The following ASB3 variants were observed in gnomAD, a reference collection of about 807,000 sequenced individuals.
ASB3 encodes ankyrin repeat and SOCS box protein 3.
A neutral mutation model predicts 54.5 loss-of-function variants in ASB3; 41 were observed. That is an observed-to-expected ratio of 0.75 (90% CI 0.59 to 0.98). The LOEUF (loss-of-function observed/expected upper bound fraction) is 0.98. Ranked by LOEUF, ASB3 falls within the 50% of genes least tolerant of loss-of-function variation. The pLI, the probability that ASB3 is intolerant of heterozygous loss-of-function variation, is 0.00. For synonymous variants in ASB3, 266 were observed against 221.2 expected, an observed-to-expected ratio of 1.20 and a Z score of -1.80; for missense variants, 733 against 620.0, an observed-to-expected ratio of 1.18 and a Z score of -1.94.
chr2:53,687,644 A>C (rs987672691), intron 9 of ASB3, among the ~76,000 whole-genome samples: 4 of 152,180 alleles, frequency 2.6e-5, no homozygotes, highest in Non-Finnish European at 5.9e-5. Flanking sequence ...TAAAAGGCCC[A>C]CTACTGCCCC....
chr2:53,782,640 C>A (rs1205872197), intron 1 of ASB3, among the ~76,000 whole-genome samples: 2 of 152,156 alleles, frequency 1.3e-5, no homozygotes, highest in Non-Finnish European at 2.9e-5. Context: ...AGCCTTTGAG[C>A]ATCTTCATGT....
At chr2:53,757,313 G>C (rs192265714) in intron 2 of ASB3, among the ~76,000 whole-genome samples, 3 of 152,208 alleles carry the variant, frequency 2.0e-5, no homozygotes, top group Non-Finnish European at 4.4e-5. Context: ...GGTTGGGAGC[G>C]TTGGTCTGCC....
At chr2:53,734,325 G>C (rs566784337) in intron 3 of ASB3, among the ~76,000 whole-genome samples, 2 of 152,152 alleles carry the variant, frequency 1.3e-5, no homozygotes, top group African/African-American at 4.8e-5. Context: ...GACTAGTTTA[G>C]GTTTTCCTTT....
chr2:53,720,801 T>A (rs112262713), intron 5 of ASB3, among the ~76,000 whole-genome samples: 3 of 152,070 alleles, frequency 2.0e-5, no homozygotes, highest in African/African-American at 7.2e-5. Context: ...ACAGCACATA[T>A]AACATACTCC....
chr2:53,677,499 A>C (rs1668142123), intron 9 of ASB3, among the ~76,000 whole-genome samples: 1 of 152,168 alleles, frequency 6.6e-6, no homozygotes, highest in Non-Finnish European at 1.5e-5. Flanking sequence ...TTTTTTTAAA[A>C]AAAAACTCTG....
intron 1 of ASB3, among the ~76,000 whole-genome samples, chr2:53,781,794 G>A (rs941904187): frequency 6.6e-6 from 1 of 152,128 alleles, no homozygotes; most frequent in Non-Finnish European, 1.5e-5. Context: ...CACGCCCGGC[G>A]GAGATTCTTT....
At chr2:53,722,496 T>C (rs78782639) in intron 5 of ASB3, among the ~76,000 whole-genome samples, 17,925 of 152,218 alleles carry the variant, frequency 0.12, 1,196 homozygotes, top group Non-Finnish European at 0.15. Context: ...GTAGGCTTCA[T>C]TGTTGAGAAA....
At chr2:53,680,532 G>A (rs370973844) in intron 9 of ASB3, among the ~76,000 whole-genome samples, 5 of 152,220 alleles carry the variant, frequency 3.3e-5, no homozygotes, top group African/African-American at 9.6e-5. Flanking sequence ...TTGGCTGGAT[G>A]TGTGTCTTCT....
chr2:53,707,123 T>C (rs899718106), intron 7 of ASB3, among the ~76,000 whole-genome samples: 6 of 152,254 alleles, frequency 3.9e-5, no homozygotes, highest in African/African-American at 1.4e-4. Context: ...TTTTCTGTGA[T>C]GATGTGCTAT....
rs561032563 is a variant in ASB3 at position 53,670,206 on chromosome 2, G to T, written c.*297C>A. Reference sequence around the variant, plus strand: ...TTATTAGCAAAATAAAGCAGAAAATGATCAAAATGATCAGGTAAATAAATA... The same window carrying T: ...TTATTAGCAAAATAAAGCAGAAAATTATCAAAATGATCAGGTAAATAAATA... On this transcript the variant is annotated 3_prime_UTR_variant, in exon 10 of 10. Transcript: ENST00000263634. 17 of 220,896 alleles carry T rather than the reference G, an allele frequency of 7.7e-5. No individual in the cohort carries two copies. Among genetic ancestry groups the T allele is most frequent in the African/African-American group, 9.4e-5 (4 of 42,626 alleles). The allele number at this position is 220,896 out of a possible 1,614,324, so 13.7% of individuals were successfully genotyped here.
chr2:53,740,119 A>C (rs1671851895), intron 3 of ASB3, among the ~76,000 whole-genome samples: 1 of 152,214 alleles, frequency 6.6e-6, no homozygotes, highest in South Asian at 2.1e-4. Flanking sequence ...AATCATCTAT[A>C]TATTCAATTT....
intron 7 of ASB3, among the ~76,000 whole-genome samples, chr2:53,711,011 T>A (rs986410747): frequency 6.6e-6 from 1 of 151,826 alleles, no homozygotes; most frequent in Non-Finnish European, 1.5e-5. Flanking sequence ...ACAACCGTAG[T>A]CCCAGCTACT....
chr2:53,730,078 T>C (rs1190299278), intron 3 of ASB3, among the ~76,000 whole-genome samples: 1 of 152,148 alleles, frequency 6.6e-6, no homozygotes, highest in African/African-American at 2.4e-5. Flanking sequence ...TCAATGAAAA[T>C]GTAAACGTTC....
At chr2:53,728,643 T>C in intron 5 of ASB3, 69 bp downstream of exon 5, 1 of 1,382,466 alleles carries the variant, frequency 7.2e-7, no homozygotes, top group Non-Finnish European at 9.4e-7. Flanking sequence ...GAGACAAGAA[T>C]TATTCCTCTA....
chr2:53,757,012 G>C (rs1415265147), intron 2 of ASB3: 1 of 167,900 alleles, frequency 6.0e-6, no homozygotes, highest in South Asian at 1.7e-4. Context: ...AAGAACCCGA[G>C]GTCAGAGAAC....
At chr2:53,759,745 C>T (rs1043852458) in intron 2 of ASB3, among the ~76,000 whole-genome samples, 29 of 152,212 alleles carry the variant, frequency 1.9e-4, no homozygotes, top group African/African-American at 6.8e-4. Context: ...AAGCCTCCCC[C>T]TCGTCCATGC....
intron 5 of ASB3, among the ~76,000 whole-genome samples, chr2:53,720,994 C>T (rs1345976811): frequency 2.0e-5 from 3 of 151,824 alleles, no homozygotes; most frequent in Non-Finnish European, 4.4e-5. Context: ...GGGTGCGCGC[C>T]TGTAATCCCA....
At chr2:53,722,176 T>TAA (rs751059931) in intron 5 of ASB3, among the ~76,000 whole-genome samples, 3 of 126,240 alleles carry the variant, frequency 2.4e-5, no homozygotes. Context: ...GAATCCATAA[T>TAA]AAAAAAAAAA....
chr2:53,679,396 G>C (rs946164920), intron 9 of ASB3, among the ~76,000 whole-genome samples: 2 of 151,962 alleles, frequency 1.3e-5, no homozygotes, highest in Non-Finnish European at 2.9e-5. Flanking sequence ...CAACTTCACA[G>C]TAAAAACTGG....
Sources: gnomAD v4.1 joint callset for allele counts (sites outside exome capture counted in the v4.1 genomes callset) on GRCh38, gnomAD v4.1.1 for gene constraint, MANE v1.5 for transcripts, NCBI Gene and HGNC (gene_info 2026-07-23, HGNC 2026-07-21) for gene names.